The following PTS variants were observed in gnomAD, a reference collection of about 807,000 sequenced individuals.
PTS encodes 6-pyruvoyl tetrahydrobiopterin synthase.
Under a neutral mutation model 20.6 loss-of-function variants are expected in PTS, and 23 were observed. That is an observed-to-expected ratio of 1.12 (90% CI 0.80 to 1.58). PTS has a LOEUF of 1.58. PTS is among the 40% of genes most tolerant of loss of function. PTS has a pLI of 0.00. For synonymous variants in PTS, 65 were observed against 62.5 expected, an observed-to-expected ratio of 1.04 and a Z score of -0.19; for missense variants, 186 against 182.4, an observed-to-expected ratio of 1.02 and a Z score of -0.11.
intron 1 of PTS, among the ~76,000 whole-genome samples, chr11:112,227,178 C>T (rs1014374410): frequency 2.0e-5 from 3 of 151,914 alleles, no homozygotes; most frequent in Admixed American, 6.6e-5. Flanking sequence ...GGAATTTTAC[C>T]ACGCACTAAC....
chr11:112,230,151 G>A, intron 2 of PTS, 57 bp from the exon 3 acceptor site: 1 of 1,523,916 alleles, frequency 6.6e-7, no homozygotes, highest in Non-Finnish European at 9.1e-7. Flanking sequence ...CTTGTGCTTG[G>A]ATGTTGATCT....
Position 112,230,276 on chromosome 11 carries a change from C to G in PTS, c.186+46C>G, listed in dbSNP as rs746174987. The G allele has an allele frequency of 9.5e-6, 15 of 1,586,598 alleles. No homozygotes were observed. In the South Asian group the frequency reaches 1.2e-4, roughly 13 times the overall value. On this transcript the variant is annotated intron_variant, in intron 3 of 5. Coordinates refer to ENST00000280362, the MANE Select transcript of PTS (RefSeq NM_000317.3). ...TGTGGTTTTTGCAGATTGCTGGGCT[C>G]TCTTTCAGCCAGTGTGGTGGATTCT...
chr11:112,230,049 A>G, intron 2 of PTS, 159 bp from the exon 3 acceptor site: 1 of 757,428 alleles, frequency 1.3e-6, no homozygotes. Context: ...TCTTAACTAA[A>G]ATAACAGATG....
intron 1 of PTS, 57 bp from the exon 2 acceptor site, chr11:112,228,537 A>AG: frequency 7.2e-7 from 1 of 1,388,672 alleles, no homozygotes; most frequent in African/African-American, 1.4e-5. Flanking sequence ...GGAACAGAGA[A>AG]GGGGGTTTGA....
At chr11:112,229,390 T>TG (rs978835722) in intron 2 of PTS, 3 of 152,194 alleles carry the variant, frequency 2.0e-5, no homozygotes, top group Admixed American at 6.5e-5. Flanking sequence ...AAAGTTTTTT[T>TG]TTGTTGTTGT....
chr11:112,232,499 A>T (rs1479760030), intron 4 of PTS, among the ~76,000 whole-genome samples: 1 of 152,188 alleles, frequency 6.6e-6, no homozygotes, highest in Non-Finnish European at 1.5e-5. Context: ...ATGGAAAATT[A>T]CATTTTTTTT....
At chr11:112,228,323 G>T in intron 1 of PTS, 1 of 497,358 alleles carries the variant, frequency 2.0e-6, no homozygotes. Context: ...CCCATGAGCA[G>T]ATCAGTTGCT....
At chr11:112,230,346 T>C (rs2135409041) in intron 3 of PTS, 116 bp downstream of exon 3, 8 of 1,265,548 alleles carry the variant, frequency 6.3e-6, no homozygotes, top group Non-Finnish European at 9.3e-6. Context: ...TGTTGGCCCT[T>C]GTATATGTGT....
At chr11:112,230,351 A>G in intron 3 of PTS, 121 bp downstream of exon 3, 1 of 1,254,364 alleles carries the variant, frequency 8.0e-7, no homozygotes. Flanking sequence ...GCCCTTGTAT[A>G]TGTGTGTGTG....
At chr11:112,226,594 G>A (rs1859867981) in intron 1 of PTS, 68 bp downstream of exon 1, 10 of 1,392,952 alleles carry the variant, frequency 7.2e-6, no homozygotes, top group Non-Finnish European at 8.6e-6. Context: ...CCGGGGCGGG[G>A]CCGGCGGGCG....
intron 3 of PTS, 125 bp downstream of exon 3, chr11:112,230,355 G>A: frequency 8.2e-7 from 1 of 1,219,920 alleles, no homozygotes; most frequent in Admixed American, 1.7e-5. Context: ...TTGTATATGT[G>A]TGTGTGGTGA....
rs377221164 is a variant in PTS at position 112,233,247 on chromosome 11, T to C, written c.314+14T>C. 6.2e-7 allele frequency: 1 copy of C among 1,606,930 alleles called. No individual in the cohort carries two copies. The highest frequency in any genetic ancestry group is 1.7e-5 in the Admixed American group (1 of 60,018). ...AGATGTGGTGAGGTGGGTGGCACTG[T>C]ATCTTGCCTTATGTGGATTGTAAAA... is the stretch of plus-strand genomic sequence containing the variant. On this transcript the variant is annotated intron_variant, in intron 5 of 5. Coordinates refer to ENST00000280362, the MANE Select transcript of PTS (RefSeq NM_000317.3).
At chr11:112,232,238 C>G (rs1159557899) in intron 4 of PTS, among the ~76,000 whole-genome samples, 1 of 152,056 alleles carries the variant, frequency 6.6e-6, no homozygotes, top group Non-Finnish European at 1.5e-5. Context: ...GAGACCCTGT[C>G]TCTAAAAACA....
chr11:112,230,738 GC>G (rs1252448005), intron 4 of PTS, 56 bp downstream of exon 4: 1 of 1,454,622 alleles, frequency 6.9e-7, no homozygotes, highest in Non-Finnish European at 9.7e-7. Flanking sequence ...ATATTTGGTG[GC>G]CCCCTATCTA....
intron 2 of PTS, chr11:112,228,892 A>G (rs1163606952): frequency 5.1e-6 from 3 of 588,126 alleles, no homozygotes; most frequent in African/African-American, 1.9e-5. Flanking sequence ...ACAGTCCAAA[A>G]CAATGAATGG....
rs59731976 is a variant in PTS at position 112,233,522 on chromosome 11, T to C, written c.405T>C (p.Thr135=). The C allele has an allele frequency of 0.013, 20,651 of 1,613,636 alleles. 514 individuals are homozygous for C. The highest frequency in any genetic ancestry group is 0.11 in the African/African-American group (8,294 of 74,970). The part of the protein sequence containing the change: ...GVLYKVKVYE[T]DNNIVVYKGE ...TTTATAAAGTAAAAGTATACGAAAC[T>C]GACAATAATATTGTGGTTTATAAAG... The change falls in exon 6 of 6, where the codon ACT becomes ACC. Residue 135 remains threonine, a synonymous_variant. Coordinates refer to ENST00000280362, the MANE Select transcript of PTS (RefSeq NM_000317.3).
At chr11:112,228,448 G>A (rs1158815936) in intron 1 of PTS, 146 bp from the exon 2 acceptor site, 4 of 687,386 alleles carry the variant, frequency 5.8e-6, no homozygotes, top group Non-Finnish European at 9.8e-6. Context: ...AAATCAACAT[G>A]ATTTCTGACT....
chr11:112,233,060 T>G, intron 4 of PTS, 103 bp from the exon 5 acceptor site: 1 of 1,070,194 alleles, frequency 9.3e-7, no homozygotes, highest in Non-Finnish European at 1.5e-6. Flanking sequence ...AATATTTAGT[T>G]AGTGGCTAAG....
At chr11:112,231,378 G>A (rs1859928661) in intron 4 of PTS, among the ~76,000 whole-genome samples, 1 of 152,186 alleles carries the variant, frequency 6.6e-6, no homozygotes, top group African/African-American at 2.4e-5. Context: ...AGACTTTGGA[G>A]ATTATTCAGA....
Sources: allele counts gnomAD v4.1 joint callset (sites outside exome capture counted in the v4.1 genomes callset), GRCh38; gene constraint gnomAD v4.1.1; transcripts MANE v1.5; gene names NCBI Gene and HGNC (gene_info 2026-07-23, HGNC 2026-07-21).